The following CDC42SE2 variants were observed in gnomAD, a reference collection of about 807,000 sequenced individuals.
CDC42SE2 encodes CDC42 small effector protein 2.
In CDC42SE2, 3 loss-of-function variants were observed where a neutral mutation model predicts 11.5. The ratio of observed to expected loss-of-function variants is 0.26; its 90% CI spans 0.12 to 0.67. CDC42SE2 has a LOEUF of 0.67. Ranked by LOEUF, CDC42SE2 falls within the 30% of genes least tolerant of loss-of-function variation. CDC42SE2 has a pLI of 0.80. For missense variants in CDC42SE2, 82 were observed against 106.8 expected (o/e 0.77, Z 1.02); for synonymous variants, 33 against 34.8 (o/e 0.95, Z 0.18).
chr5:131,277,115 C>T (rs2149698314), intron 1 of CDC42SE2, among the ~76,000 whole-genome samples: 1 of 152,260 alleles, frequency 6.6e-6, no homozygotes. Context: ...AGAAGTGTTT[C>T]TTTACAATTT....
upstream of CDC42SE2, among the ~76,000 whole-genome samples, chr5:131,260,280 T>C (rs1756712357): frequency 6.6e-6 from 1 of 152,194 alleles, no homozygotes; most frequent in Admixed American, 6.5e-5. Flanking sequence ...CCATGTCTCC[T>C]AAATGTTAGA....
At chr5:131,261,297 G>A (rs1001153948), upstream of CDC42SE2, 3 of 152,190 alleles carry the variant, frequency 2.0e-5, no homozygotes, top group Non-Finnish European at 2.9e-5. Flanking sequence ...ACAATTTTAA[G>A]GACAGTGCAC....
upstream of CDC42SE2, among the ~76,000 whole-genome samples, chr5:131,242,073 T>C (rs1256819200): frequency 6.6e-6 from 1 of 152,238 alleles, no homozygotes; most frequent in Non-Finnish European, 1.5e-5. Flanking sequence ...TGGTATCTTA[T>C]CAGATATCTG....
intron 4 of CDC42SE2, among the ~76,000 whole-genome samples, chr5:131,387,480 G>A (rs1396317829): frequency 6.6e-6 from 1 of 152,202 alleles, no homozygotes; most frequent in Non-Finnish European, 1.5e-5. Context: ...GAACCTGGGA[G>A]GGGGGAGGTT....
chr5:131,303,723 G>A (rs975477313), intron 1 of CDC42SE2, among the ~76,000 whole-genome samples: 1 of 152,164 alleles, frequency 6.6e-6, no homozygotes, highest in Non-Finnish European at 1.5e-5. Context: ...TGTACTAATA[G>A]GTAGAACATA....
chr5:131,365,938 C>T (rs190137136), intron 3 of CDC42SE2, among the ~76,000 whole-genome samples: 46 of 151,994 alleles, frequency 3.0e-4, no homozygotes, highest in Middle Eastern at 3.4e-3. Flanking sequence ...GTGGAGATTG[C>T]GCCACTGCAC....
chr5:131,370,465 T>C (rs569372793), intron 3 of CDC42SE2, among the ~76,000 whole-genome samples: 1 of 152,088 alleles, frequency 6.6e-6, no homozygotes, highest in Admixed American at 6.6e-5. Context: ...GTGTGAATAC[T>C]GAAACATTTA....
chr5:131,363,079 G>A (rs1749756776), intron 3 of CDC42SE2, among the ~76,000 whole-genome samples: 1 of 152,070 alleles, frequency 6.6e-6, no homozygotes, highest in African/African-American at 2.4e-5. Context: ...GCAAGGTGGA[G>A]GTTGCAGTGA....
At chr5:131,295,546 G>A (rs1029941148) in intron 1 of CDC42SE2, among the ~76,000 whole-genome samples, 4 of 152,050 alleles carry the variant, frequency 2.6e-5, no homozygotes, top group South Asian at 2.1e-4. Flanking sequence ...ATTTAAATGC[G>A]TCACATACAT....
intron 3 of CDC42SE2, among the ~76,000 whole-genome samples, chr5:131,363,913 T>A (rs1006509401): frequency 2.0e-5 from 3 of 152,006 alleles, no homozygotes; most frequent in African/African-American, 7.3e-5. Flanking sequence ...CAGGCAGATG[T>A]CGAACTCCTG....
intron 1 of CDC42SE2, among the ~76,000 whole-genome samples, chr5:131,271,888 C>T (rs961619740): frequency 6.6e-6 from 1 of 152,190 alleles, no homozygotes. Flanking sequence ...TTCCAGCATA[C>T]ATCTGGGAAG....
At chr5:131,262,689 ACATATATCCTC>A (rs1756757032), upstream of CDC42SE2, among the ~76,000 whole-genome samples, 1 of 152,148 alleles carries the variant, frequency 6.6e-6, no homozygotes, top group East Asian at 1.9e-4. Flanking sequence ...CACATAACCC[ACATATATCCTC>A]CTGTATAAAT....
At chr5:131,260,233 G>A (rs573233400), upstream of CDC42SE2, among the ~76,000 whole-genome samples, 12 of 152,292 alleles carry the variant, frequency 7.9e-5, no homozygotes, top group Non-Finnish European at 1.5e-4. Context: ...TTATGCAGCA[G>A]AATTTGGATT....
chr5:131,234,563 G>A, the CDC42SE2 span, among the ~76,000 whole-genome samples: 2 of 151,772 alleles, frequency 1.3e-5, no homozygotes, highest in East Asian at 1.9e-4. Flanking sequence ...TTGAACCTGG[G>A]CGGCAGAGGT....
At chr5:131,373,707 G>A (rs1750073594) in intron 3 of CDC42SE2, among the ~76,000 whole-genome samples, 1 of 152,056 alleles carries the variant, frequency 6.6e-6, no homozygotes, top group Non-Finnish European at 1.5e-5. Context: ...CAGGCAATAG[G>A]AAAGAACTAA....
chr5:131,388,557 C>G (rs980130888), intron 4 of CDC42SE2, among the ~76,000 whole-genome samples: 3 of 152,098 alleles, frequency 2.0e-5, no homozygotes, highest in African/African-American at 4.8e-5. Flanking sequence ...ATTCTTCTAC[C>G]TTTACTTAGT....
At chr5:131,230,225 G>A in the CDC42SE2 span, among the ~76,000 whole-genome samples, 1 of 152,030 alleles carries the variant, frequency 6.6e-6, no homozygotes, top group Non-Finnish European at 1.5e-5. Flanking sequence ...AAGGCTTCCA[G>A]TACAATGTTC....
At chr5:131,302,652 C>T (rs902497861) in intron 1 of CDC42SE2, among the ~76,000 whole-genome samples, 1 of 152,176 alleles carries the variant, frequency 6.6e-6, no homozygotes, top group Non-Finnish European at 1.5e-5. Context: ...TATACTGCCT[C>T]CTTCAGCCAT....
chr5:131,232,944 A>G, the CDC42SE2 span, among the ~76,000 whole-genome samples: 2 of 151,312 alleles, frequency 1.3e-5, no homozygotes, highest in South Asian at 4.1e-4. Context: ...AAAAAAAAAA[A>G]GAAAAAAATT....
Sources: gnomAD v4.1 joint callset for allele counts (sites outside exome capture counted in the v4.1 genomes callset) on GRCh38, gnomAD v4.1.1 for gene constraint, MANE v1.5 for transcripts, NCBI Gene and HGNC (gene_info 2026-07-23, HGNC 2026-07-21) for gene names.